CRTC3: variants seen among roughly 807,000 people sequenced by gnomAD.
The protein encoded by CRTC3 is CREB regulated transcription coactivator 3, also known as CREB-regulated transcription coactivator 3.
Under a neutral mutation model 74.5 loss-of-function variants are expected in CRTC3, and 26 were observed. The ratio of observed to expected loss-of-function variants is 0.35; its 90% CI spans 0.26 to 0.48. The LOEUF is 0.48. CRTC3 is among the 20% of genes least tolerant of loss of function. CRTC3 has a pLI of 0.99. For missense variants in CRTC3, 760 were observed against 787.3 expected, an observed-to-expected ratio of 0.97 and a Z score of 0.41; for synonymous variants, 377 against 325.8, an observed-to-expected ratio of 1.16 and a Z score of -1.69.
At position 90,643,333 on chromosome 15, in the gene CRTC3, G is replaced by A. The variant is rs1298048568; in HGVS notation, c.*1193G>A. 2 of 230,296 alleles carry A rather than the reference G, an allele frequency of 8.7e-6. No homozygotes were observed. The highest frequency in any genetic ancestry group is 1.8e-4 in the South Asian group (1 of 5,502). 14.3% of individuals were successfully genotyped at this position (230,296 alleles called of 1,614,324 possible). A position where few individuals can be genotyped will look rare whatever the true frequency, so the allele number is the denominator to read the frequency against. On this transcript the variant is annotated 3_prime_UTR_variant, in exon 15 of 15. Coordinates refer to ENST00000268184, the MANE Select transcript of CRTC3 (RefSeq NM_022769.5). ...AGCACTCGTGCCTATGGTGAAGCAT[G>A]CACTTTAATATGCTTTTAACACTAG...
chr15:90,618,472 T>C (rs1163265940), intron 8 of CRTC3, among the ~76,000 whole-genome samples: 1 of 152,296 alleles, frequency 6.6e-6, no homozygotes, highest in East Asian at 1.9e-4. Flanking sequence ...GTATCTAAAA[T>C]TGTGCTAGCT....
At chr15:90,554,328 G>A (rs954376863) in intron 2 of CRTC3, among the ~76,000 whole-genome samples, 3 of 151,536 alleles carry the variant, frequency 2.0e-5, no homozygotes, top group Non-Finnish European at 2.9e-5. Context: ...TCAGCCTTCC[G>A]AGCAGCTGGA....
intron 2 of CRTC3, among the ~76,000 whole-genome samples, chr15:90,590,341 C>A (rs1277397924): frequency 6.6e-6 from 1 of 151,896 alleles, no homozygotes; most frequent in African/African-American, 2.4e-5. Context: ...ATGTACTCTG[C>A]AGATATAACC....
chr15:90,539,584 G>C (rs1158694475), intron 1 of CRTC3: 2 of 176,878 alleles, frequency 1.1e-5, no homozygotes, highest in Admixed American at 1.3e-4. Context: ...CATAGAAAAG[G>C]CTTATGATGA....
In CRTC3 at chr15:90,629,243, G is replaced by A. The variant is rs964670107; in HGVS notation, c.977G>A (p.Ser326Asn). 2 of 1,611,994 alleles carry A rather than the reference G, an allele frequency of 1.2e-6. No individual in the cohort carries two copies. The highest frequency in any genetic ancestry group is 1.7e-6 in the Non-Finnish European group (2 of 1,178,396). Residue 326 changes from serine (S) to asparagine (N), a missense_variant, in exon 11 of 15, where the codon AGT becomes AAT. Physicochemically the swap from Ser to Asn is conservative, Grantham distance 46. Transcript: ENST00000268184. ...LGIRSSSGLQ[S>N]SRSNPSIQAT... is the part of the protein sequence containing the mutation. ...ATTTGTTGTCTTCCAGGTCTCCAGA[G>A]TTCTCGGAGTAACCCCTCCATCCAA...
chr15:90,580,255 A>T (rs910446432), intron 2 of CRTC3, among the ~76,000 whole-genome samples: 2 of 152,078 alleles, frequency 1.3e-5, no homozygotes, highest in Non-Finnish European at 2.9e-5. Flanking sequence ...AAGGTTCAGC[A>T]CTGAAGCCGG....
chr15:90,534,762 T>G (rs944300968), intron 1 of CRTC3, among the ~76,000 whole-genome samples: 1 of 152,156 alleles, frequency 6.6e-6, no homozygotes, highest in Non-Finnish European at 1.5e-5. Context: ...TTTGCCACAG[T>G]CCCTACCACC....
chr15:90,608,736 T>C (rs895983430), intron 6 of CRTC3, among the ~76,000 whole-genome samples: 1 of 152,238 alleles, frequency 6.6e-6, no homozygotes, highest in African/African-American at 2.4e-5. Flanking sequence ...GAGCCCGTAC[T>C]GATGGAGAAG....
At chr15:90,602,086 C>T (rs8027641) in intron 3 of CRTC3, among the ~76,000 whole-genome samples, 3,380 of 151,944 alleles carry the variant, frequency 0.022, 132 homozygotes, top group African/African-American at 0.077. Flanking sequence ...CAAAAGTTGC[C>T]GGACAGGCAA....
At chr15:90,620,062 G>A (rs570071845) in intron 9 of CRTC3, 11 of 388,524 alleles carry the variant, frequency 2.8e-5, no homozygotes, top group Middle Eastern at 1.4e-3. Context: ...ACAACTCTCC[G>A]GGTAGAAGCA....
At chr15:90,626,073 T>G (rs932517788) in intron 10 of CRTC3, 80 bp downstream of exon 10, 1 of 1,029,934 alleles carries the variant, frequency 9.7e-7, no homozygotes, top group African/African-American at 1.6e-5. Context: ...CAGTGAATCA[T>G]TGAATGAGAA....
rs564487094 is a variant in CRTC3 at position 90,593,724 on chromosome 15, A to G, written c.320A>G (p.His107Arg). ...TCCAGGAACCGCTTCCACCCCCTCC[A>G]CCGAAGGTCTGGGGACAAGCCAGGG... ...RPSRNRFHPLHRRSGDKPGRQ... is the reference protein window; with the variant it reads ...RPSRNRFHPLRRRSGDKPGRQ... Residue 107 changes from histidine (H) to arginine (R), a missense_variant, in exon 3 of 15, where the codon CAC (histidine) becomes CGC (arginine). Coordinates refer to ENST00000268184, the MANE Select transcript of CRTC3 (RefSeq NM_022769.5). The G allele has an allele frequency of 1.2e-6, 2 of 1,610,194 alleles. No homozygotes were observed. The highest frequency in any genetic ancestry group is 1.7e-6 in the Non-Finnish European group (2 of 1,176,840).
chr15:90,639,064 G>A lies in CRTC3; in HGVS notation c.1548+249G>A, dbSNP rs145803416. Among the ~76,000 whole-genome samples, 522 of 152,214 alleles carry A rather than the reference G, an allele frequency of 3.4e-3. 1 individual carries two copies. The highest frequency in any genetic ancestry group is 0.011 in the African/African-American group (457 of 41,550). ...GCAGGAGACTTTTGATGACACTCTC[G>A]TTGTAGAACTGTAAAATCATGAACA... On this transcript the variant is annotated intron_variant, in intron 13 of 14. Transcript: ENST00000268184.
At chr15:90,572,756 A>C (rs895566095) in intron 2 of CRTC3, among the ~76,000 whole-genome samples, 1 of 152,016 alleles carries the variant, frequency 6.6e-6, no homozygotes, top group African/African-American at 2.4e-5. Context: ...TTGTATTTTT[A>C]GTAGAGACGG....
chr15:90,639,917 C>G (rs1251765291), intron 13 of CRTC3, among the ~76,000 whole-genome samples: 1 of 152,000 alleles, frequency 6.6e-6, no homozygotes, highest in African/African-American at 2.4e-5. Flanking sequence ...GGCGTGGTGG[C>G]AGGCACCTGT....
chr15:90,548,142 G>C (rs1203103553), intron 2 of CRTC3, among the ~76,000 whole-genome samples: 1 of 140,360 alleles, frequency 7.1e-6, no homozygotes, highest in Non-Finnish European at 1.6e-5. Context: ...ACCCGCCGTG[G>C]CCTCCCAAAG....
intron 8 of CRTC3, among the ~76,000 whole-genome samples, chr15:90,618,992 A>G (rs566083097): frequency 6.6e-6 from 1 of 152,206 alleles, no homozygotes; most frequent in Non-Finnish European, 1.5e-5. Context: ...AGAGATGTTC[A>G]TCTCCCTTGG....
intron 11 of CRTC3, among the ~76,000 whole-genome samples, chr15:90,632,660 A>G (rs1422830545): frequency 2.0e-5 from 3 of 152,134 alleles, no homozygotes; most frequent in East Asian, 1.9e-4. Context: ...GCTGGGGTGT[A>G]GTGGTGCGAT....
chr15:90,625,649 G>T lies in CRTC3; in HGVS notation c.750-127G>T. The T allele has an allele frequency of 3.7e-6, 3 of 803,058 alleles. No individual in the cohort carries two copies. In the South Asian group the frequency reaches 4.7e-5, roughly 13 times the overall value. 49.7% of individuals were successfully genotyped at this position (803,058 alleles called of 1,614,324 possible). A position where few individuals can be genotyped will look rare whatever the true frequency, so the allele number is the denominator to read the frequency against. ...CACCAGTGTTCTCAGAATCAGAGAG[G>T]CCGCACCAGGACCTCGGTCTTTTGT... is the stretch of plus-strand genomic sequence containing the variant. On this transcript the variant is annotated intron_variant, in intron 9 of 14. Coordinates refer to ENST00000268184, the MANE Select transcript of CRTC3 (RefSeq NM_022769.5).
Sources: gnomAD v4.1 joint callset for allele counts (sites outside exome capture counted in the v4.1 genomes callset) on GRCh38, gnomAD v4.1.1 for gene constraint, MANE v1.5 for transcripts, NCBI Gene and HGNC (gene_info 2026-07-23, HGNC 2026-07-21) for gene names.